Variants in COL21A1 observed in about 807,000 individuals in gnomAD.
The protein encoded by COL21A1 is collagen type XXI alpha 1 chain.
In COL21A1, 149 loss-of-function variants were observed where a neutral mutation model predicts 137.9. The ratio of observed to expected loss-of-function variants is 1.08; its 90% CI spans 0.95 to 1.24. The LOEUF (loss-of-function observed/expected upper bound fraction) is 1.24. Among genes scored for constraint, COL21A1 ranks in the 50% most tolerant of loss-of-function variants. The pLI, the probability that COL21A1 is intolerant of heterozygous loss-of-function variation, is 0.00. For synonymous variants in COL21A1, 456 were observed against 391.5 expected (o/e 1.16, Z -1.95); for missense variants, 1,167 against 1,158.4 (o/e 1.01, Z -0.11).
intron 1 of COL21A1, 84 bp from the exon 2 acceptor site, chr6:56,182,740 C>A: frequency 1.6e-6 from 1 of 636,510 alleles, no homozygotes; most frequent in Non-Finnish European, 2.7e-6. Context: ...AAACAAGAGC[C>A]AATTGAAGTA....
At chr6:56,097,595 T>C (rs1237897400) in intron 17 of COL21A1, among the ~76,000 whole-genome samples, 2 of 150,504 alleles carry the variant, frequency 1.3e-5, no homozygotes, top group African/African-American at 4.9e-5. Flanking sequence ...GGTAAATTAT[T>C]CTAGTGCAAC....
chr6:56,307,800 G>A (rs566762225), intron 1 of COL21A1, among the ~76,000 whole-genome samples: 44 of 152,176 alleles, frequency 2.9e-4, no homozygotes, highest in African/African-American at 6.7e-4. Flanking sequence ...GAAATCACCC[G>A]TCTTCTGCGT....
chr6:56,352,867 C>A (rs1765742406), intron 1 of COL21A1, among the ~76,000 whole-genome samples: 1 of 152,020 alleles, frequency 6.6e-6, no homozygotes, highest in Non-Finnish European at 1.5e-5. Flanking sequence ...ATGGCAAAAC[C>A]CTATCTCTAC....
At chr6:56,170,096 A>G (rs1480612847) in intron 5 of COL21A1, among the ~76,000 whole-genome samples, 5 of 151,890 alleles carry the variant, frequency 3.3e-5, no homozygotes, top group African/African-American at 1.2e-4. Flanking sequence ...TCAAGTTTGT[A>G]TATTCTATTA....
intron 13 of COL21A1, 95 bp from the exon 14 acceptor site, chr6:56,125,715 G>A (rs1773002924): frequency 1.4e-6 from 1 of 724,526 alleles, no homozygotes; most frequent in Non-Finnish European, 2.1e-6. Flanking sequence ...AGTTTAATAT[G>A]CCAAAAGCAA....
intron 19 of COL21A1, among the ~76,000 whole-genome samples, chr6:56,074,616 C>T (rs575244536): frequency 6.6e-6 from 1 of 151,134 alleles, no homozygotes; most frequent in African/African-American, 2.4e-5. Context: ...GTTAGGATGG[C>T]TAAAATTAGG....
At chr6:56,313,438 C>G (rs1360979986) in intron 1 of COL21A1, among the ~76,000 whole-genome samples, 2 of 152,086 alleles carry the variant, frequency 1.3e-5, no homozygotes, top group African/African-American at 4.8e-5. Context: ...GTTCTGGAAG[C>G]TGTAAGTGCA....
intron 1 of COL21A1, among the ~76,000 whole-genome samples, chr6:56,351,650 G>C (rs2152346984): frequency 6.6e-6 from 1 of 152,336 alleles, no homozygotes; most frequent in South Asian, 2.1e-4. Flanking sequence ...GAACTGAACT[G>C]TGCAACATAT....
chr6:56,319,493 A>C (rs1367471449), intron 1 of COL21A1, among the ~76,000 whole-genome samples: 4 of 151,406 alleles, frequency 2.6e-5, no homozygotes, highest in Non-Finnish European at 5.9e-5. Flanking sequence ...ACTTTCCACC[A>C]GGCCTGGTTA....
At chr6:56,114,550 CA>C (rs1771739474) in intron 16 of COL21A1, among the ~76,000 whole-genome samples, 1 of 152,122 alleles carries the variant, frequency 6.6e-6, no homozygotes, top group South Asian at 2.1e-4. Flanking sequence ...GACATTTATG[CA>C]ACCAAAAAAC....
At chr6:56,102,718 A>G (rs1236068414) in intron 16 of COL21A1, among the ~76,000 whole-genome samples, 1 of 152,162 alleles carries the variant, frequency 6.6e-6, no homozygotes, top group Non-Finnish European at 1.5e-5. Flanking sequence ...ATTCAACCAT[A>G]TCACATTACA....
chr6:56,260,651 GGAAGGAAT>G (rs879452703), intron 1 of COL21A1, among the ~76,000 whole-genome samples: 11,062 of 61,880 alleles, frequency 0.18, 850 homozygotes, highest in African/African-American at 0.24. Context: ...AAGGAAGGAA[GGAAGGAAT>G]GAAGGAAGGA....
chr6:56,213,093 G>T (rs887773215), intron 1 of COL21A1, among the ~76,000 whole-genome samples: 2 of 151,968 alleles, frequency 1.3e-5, no homozygotes, highest in African/African-American at 4.8e-5. Context: ...CTGATATTCT[G>T]TGACTCTATG....
Position 56,333,752 on chromosome 6 carries a change from G to A in COL21A1, c.-39+60219C>T, listed in dbSNP as rs76591031. Among the ~76,000 whole-genome samples the A allele has an allele frequency of 4.1e-4, 62 of 152,114 alleles. No individual in the cohort carries two copies. In the East Asian group the frequency reaches 7.2e-3, roughly 18 times the overall value. On this transcript the variant is annotated intron_variant, in intron 1 of 28. Coordinates refer to the COL21A1 transcript ENST00000370819. ...CCGAACAGTAGCATATGAGAGTTTCGGTTCCTCCATACCCTTGCCATCACT... is the reference window on the plus strand; with the variant it reads ...CCGAACAGTAGCATATGAGAGTTTCAGTTCCTCCATACCCTTGCCATCACT...
chr6:56,256,955 T>C (rs544734675), intron 1 of COL21A1, among the ~76,000 whole-genome samples: 10 of 152,208 alleles, frequency 6.6e-5, no homozygotes, highest in Admixed American at 6.5e-4. Flanking sequence ...AGCTCTAAAT[T>C]TAAATTTATA....
At chr6:56,180,531 G>A (rs968490722) in intron 2 of COL21A1, among the ~76,000 whole-genome samples, 1 of 152,132 alleles carries the variant, frequency 6.6e-6, no homozygotes, top group Non-Finnish European at 1.5e-5. Context: ...ATGGTTAAAG[G>A]TATAAAGCTA....
At chr6:56,257,767 A>T (rs1048643206) in intron 1 of COL21A1, among the ~76,000 whole-genome samples, 5 of 152,220 alleles carry the variant, frequency 3.3e-5, no homozygotes, top group African/African-American at 1.2e-4. Flanking sequence ...CAAATATCAT[A>T]AAATATTCTT....
chr6:56,181,834 A>G (rs1777920180), intron 2 of COL21A1, among the ~76,000 whole-genome samples: 1 of 152,110 alleles, frequency 6.6e-6, no homozygotes, highest in South Asian at 2.1e-4. Context: ...TTTCCACCCA[A>G]GAAAAAAACA....
intron 1 of COL21A1, among the ~76,000 whole-genome samples, chr6:56,261,268 C>A (rs9370495): frequency 0.26 from 39,450 of 151,924 alleles, 6,386 homozygotes; most frequent in East Asian, 0.67. Context: ...CCTGCCTCAC[C>A]CGAATCATGC....
Sources: gnomAD v4.1 joint callset for allele counts (sites outside exome capture counted in the v4.1 genomes callset) on GRCh38, gnomAD v4.1.1 for gene constraint, MANE v1.5 for transcripts, NCBI Gene and HGNC (gene_info 2026-07-23, HGNC 2026-07-21) for gene names.